ENOSF1: variants seen among roughly 807,000 people sequenced by gnomAD.
ENOSF1 encodes the protein enolase superfamily member 1, also known as mitochondrial enolase superfamily member 1.
ENOSF1 carries 73 observed loss-of-function variants against 68.2 expected under a neutral mutation model. That is an observed-to-expected ratio of 1.07 (90% CI 0.89 to 1.30). ENOSF1 has a LOEUF of 1.30. Ranked by LOEUF, ENOSF1 falls within the 50% of genes most tolerant of loss-of-function variation. The probability of loss-of-function intolerance (pLI) is 0.00; values close to 1 mark genes in which losing one functional copy is unlikely to be tolerated. For synonymous variants in ENOSF1, 223 were observed against 210.4 expected (o/e 1.06, Z -0.52); for missense variants, 589 against 554.5 (o/e 1.06, Z -0.62).
At chr18:689,350 G>A (rs2076928783) in intron 8 of ENOSF1, among the ~76,000 whole-genome samples, 1 of 152,060 alleles carries the variant, frequency 6.6e-6, no homozygotes. Context: ...GCGTGATCTC[G>A]GCTCATTGCA....
downstream of ENOSF1, chr18:669,455 C>G (rs1598474729): frequency 3.8e-6 from 1 of 261,008 alleles, no homozygotes; most frequent in Non-Finnish European, 7.4e-6. Context: ...TCACTGTAAC[C>G]TCTGCCTCCT....
At chr18:706,895 T>A (rs2079009118) in intron 1 of ENOSF1, 1 of 151,798 alleles carries the variant, frequency 6.6e-6, no homozygotes, top group Admixed American at 6.6e-5. Flanking sequence ...CTCAGCTCAC[T>A]GCAACTGCAG....
chr18:699,345 C>T lies in ENOSF1; in HGVS notation c.194-1990G>A, dbSNP rs2078074062. On this transcript the variant is annotated intron_variant, in intron 2 of 15. Transcript: ENST00000647584. ...GTTGCGGTGGTGCGCCTGTGGTCCC[C>T]GCCTCTCGGGAGGCTGAGGTAGGAG... Among the ~76,000 whole-genome samples, 2 of 151,674 alleles carry T rather than the reference C, an allele frequency of 1.3e-5. 1 individual carries two copies. The highest frequency in any genetic ancestry group is 6.8e-3 in the Middle Eastern group (2 of 294).
chr18:690,702 A>AAGCTGTTTCCCCTGGAGAGTCC (rs3217715), intron 7 of ENOSF1, 71 bp from the exon 8 acceptor site: 331,313 of 1,579,606 alleles, frequency 0.21, 41,154 homozygotes, highest in East Asian at 0.56. Flanking sequence ...GCCTGTAGCT[A>AAGCTGTTTCCCCTGGAGAGTCC]AGCTGTTTCC....
rs2074989413 is a variant in ENOSF1 at position 670,475 on chromosome 18, A to G, written c.*3830T>C. On this transcript the variant is annotated 3_prime_UTR_variant, in exon 16 of 16. Coordinates refer to ENST00000647584, the MANE Select transcript of ENOSF1 (RefSeq NM_017512.7). ...GATGGAAGAGCATTGCTTCAGCCGT[A>G]AATGGACACCTGCAGAAACCTTGCA... 7.2e-6 allele frequency: 4 copies of G among 552,992 alleles called. No homozygotes were observed. The highest frequency in any genetic ancestry group is 9.6e-6 in the Non-Finnish European group (3 of 311,354). The allele number at this position is 552,992 out of a possible 1,614,324, so 34.3% of individuals were successfully genotyped here.
intron 1 of ENOSF1, among the ~76,000 whole-genome samples, chr18:710,693 C>T (rs1459062563): frequency 6.6e-6 from 1 of 152,152 alleles, no homozygotes; most frequent in East Asian, 1.9e-4. Context: ...TTACTGACGG[C>T]CTTCTCTGAG....
intron 14 of ENOSF1, 118 bp from the exon 15 acceptor site, chr18:675,520 C>T: frequency 2.3e-6 from 2 of 874,654 alleles, no homozygotes; most frequent in Non-Finnish European, 3.7e-6. Flanking sequence ...CAAGGCTTAG[C>T]TGTGTTACCA....
intron 1 of ENOSF1, among the ~76,000 whole-genome samples, chr18:711,105 G>C (rs1397778759): frequency 2.0e-5 from 3 of 152,086 alleles, no homozygotes; most frequent in South Asian, 2.1e-4. Context: ...GGGAGGTCAA[G>C]GCTGCTGTGA....
chr18:668,598 T>C (rs903313939), downstream of ENOSF1, among the ~76,000 whole-genome samples: 1 of 152,208 alleles, frequency 6.6e-6, no homozygotes, highest in Non-Finnish European at 1.5e-5. Context: ...GAATCCATGG[T>C]CCTCTGTTAG....
intron 3 of ENOSF1, among the ~76,000 whole-genome samples, chr18:696,892 G>T (rs28435706): frequency 1.3e-5 from 2 of 152,068 alleles, no homozygotes; most frequent in Admixed American, 6.5e-5. Flanking sequence ...TGAGGAAGGC[G>T]GATCACTTGA....
At chr18:668,020 GAA>G (rs1266801979), downstream of ENOSF1, among the ~76,000 whole-genome samples, 9 of 73,190 alleles carry the variant, frequency 1.2e-4, no homozygotes, top group African/African-American at 8.9e-4. Flanking sequence ...TTAATGCACA[GAA>G]AGTTTCCCTG....
In ENOSF1 at chr18:671,470, A is replaced by C; in HGVS notation, c.*2835T>G. On this transcript the variant is annotated 3_prime_UTR_variant, in exon 16 of 16. Coordinates refer to ENST00000647584, the MANE Select transcript of ENOSF1 (RefSeq NM_017512.7). ...AATTCAGGTAAGAATTAGATGTTAT[A>C]CTTTTGGGTTTGGTACCTTCTCTTG... 1 of 1,567,676 alleles carries C rather than the reference A, an allele frequency of 6.4e-7. No homozygotes were observed. Among genetic ancestry groups the C allele is most frequent in the African/African-American group, 1.4e-5 (1 of 74,006 alleles).
At chr18:698,525 T>C (rs1253303338) in intron 2 of ENOSF1, among the ~76,000 whole-genome samples, 6 of 152,232 alleles carry the variant, frequency 3.9e-5, no homozygotes, top group Non-Finnish European at 7.3e-5. Flanking sequence ...TTTCTTACTA[T>C]TGACTTTCTT....
At position 677,891 on chromosome 18, in the gene ENOSF1, A is replaced by T; in HGVS notation, c.919-19T>A. 6.2e-7 allele frequency: 1 copy of T among 1,609,718 alleles called. No homozygotes were observed. The highest frequency in any genetic ancestry group is 8.5e-7 in the Non-Finnish European group (1 of 1,178,430). On this transcript the variant is annotated intron_variant, in intron 12 of 15. Coordinates refer to ENST00000647584, the MANE Select transcript of ENOSF1 (RefSeq NM_017512.7). The stretch of plus-strand genomic sequence containing the variant: ...TGTGGCACTGGAAATAGAATTGAAA[A>T]TAACACCAACAGAAGAGTCAGCCTT...
At chr18:676,526 G>T (rs760908103) in intron 14 of ENOSF1, among the ~76,000 whole-genome samples, 1 of 152,132 alleles carries the variant, frequency 6.6e-6, no homozygotes, top group African/African-American at 2.4e-5. Flanking sequence ...CATCATGATT[G>T]TAAGTTTCCA....
At chr18:686,038 G>A in intron 9 of ENOSF1, 30 bp from the exon 10 acceptor site, 1 of 1,545,530 alleles carries the variant, frequency 6.5e-7, no homozygotes. Context: ...TGCTAGTTTA[G>A]ACCTGTACCT....
At chr18:689,072 T>C (rs964514575) in intron 8 of ENOSF1, among the ~76,000 whole-genome samples, 4 of 152,264 alleles carry the variant, frequency 2.6e-5, no homozygotes, top group Admixed American at 1.3e-4. Flanking sequence ...ACAGCATGTA[T>C]CTGAATCCTC....
At chr18:683,563 G>C (rs573075660) in intron 10 of ENOSF1, among the ~76,000 whole-genome samples, 183 bp from the exon 11 acceptor site, 1 of 152,072 alleles carries the variant, frequency 6.6e-6, no homozygotes, top group Non-Finnish European at 1.5e-5. Context: ...CTGCTGAGAC[G>C]GGGACTCTGG....
intron 1 of ENOSF1, among the ~76,000 whole-genome samples, chr18:708,853 G>C (rs1462531285): frequency 2.0e-5 from 3 of 152,188 alleles, no homozygotes; most frequent in Non-Finnish European, 2.9e-5. Context: ...GAGCCATTGG[G>C]TTCCTGAAGG....
Sources: gnomAD v4.1 joint callset for allele counts (sites outside exome capture counted in the v4.1 genomes callset) on GRCh38, gnomAD v4.1.1 for gene constraint, MANE v1.5 for transcripts, NCBI Gene and HGNC (gene_info 2026-07-23, HGNC 2026-07-21) for gene names.